Variants in ANK3 observed in about 807,000 individuals in gnomAD.
ANK3 encodes ankyrin-3.
In ANK3, 57 loss-of-function variants were observed where a neutral mutation model predicts 370.9. The ratio of observed to expected loss-of-function variants is 0.15; its 90% confidence interval spans 0.12 to 0.19. The LOEUF (loss-of-function observed/expected upper bound fraction) is 0.19, where lower values mean the gene tolerates loss of function less well. Among genes scored for constraint, ANK3 ranks in the 10% least tolerant of loss-of-function variants. The probability of loss-of-function intolerance (pLI) is 1.00; values close to 1 mark genes in which losing one functional copy is unlikely to be tolerated. For missense variants in ANK3, 4,439 were observed against 5,302.1 expected, an observed-to-expected ratio of 0.84 and a Z score of 5.06; for synonymous variants, 1,929 against 1,946.3, an observed-to-expected ratio of 0.99 and a Z score of 0.23.
chr10:60,319,386 A>C (rs2048146058), intron 1 of ANK3, among the ~76,000 whole-genome samples: 1 of 152,214 alleles, frequency 6.6e-6, no homozygotes, highest in African/African-American at 2.4e-5. Context: ...TAGGCCTTTT[A>C]ATTTCTAACT....
At chr10:60,229,278 A>G (rs939501642) in intron 8 of ANK3, among the ~76,000 whole-genome samples, 3 of 152,208 alleles carry the variant, frequency 2.0e-5, no homozygotes, top group Non-Finnish European at 2.9e-5. Context: ...ATAGAAACCC[A>G]GGGTCTTCTT....
chr10:60,709,076 AAAC>A lies in ANK3; in HGVS notation c.57+24184_57+24186del, dbSNP rs57666485. ...TCATTGTGTCTGGCTATCAAAAACA[AAAC>A]AACAACAACAACAACAACAAAACTT... On this transcript the variant is annotated intron_variant, in intron 1 of 43. Coordinates refer to the ANK3 transcript ENST00000373827. Among the ~76,000 whole-genome samples the A allele has an allele frequency of 5.4e-3, 819 of 152,162 alleles. 6 individuals are homozygous for A. The highest frequency in any genetic ancestry group is 0.019 in the African/African-American group (785 of 41,516).
intron 16 of ANK3, among the ~76,000 whole-genome samples, chr10:60,191,945 GTCACCCA>G (rs933057408): frequency 3.9e-5 from 6 of 151,996 alleles, no homozygotes; most frequent in African/African-American, 1.5e-4. Flanking sequence ...GTCTTGCTCT[GTCACCCA>G]GGCTGGAGTG....
At chr10:60,502,802 A>G (rs867057723) in intron 2 of ANK3, among the ~76,000 whole-genome samples, 10 of 134,332 alleles carry the variant, frequency 7.4e-5, no homozygotes, top group Non-Finnish European at 9.5e-5. Flanking sequence ...AAAGAAAAGA[A>G]AGAAAAAAGA....
rs553502460 is a variant in ANK3, at chr10:60,408,000, T to C, written c.97-128361A>G. Among the ~76,000 whole-genome samples the C allele has an allele frequency of 2.2e-4, 34 of 152,326 alleles. No individual in the cohort carries two copies. The South Asian group carries it at 6.9e-3, about 31-fold the overall frequency. On this transcript the variant is annotated intron_variant, in intron 2 of 43. Transcript: ENST00000373827. ...ATAACCGATGATAACTTTTGCTGAC[T>C]TGCCCCTACCCCTGCTGCCATCTGC... is the stretch of plus-strand genomic sequence containing the variant.
intron 2 of ANK3, among the ~76,000 whole-genome samples, chr10:60,399,041 A>G (rs1026048071): frequency 6.6e-6 from 1 of 152,224 alleles, no homozygotes; most frequent in African/African-American, 2.4e-5. Flanking sequence ...ACACATGGGA[A>G]TACATAAATA....
chr10:60,364,110 A>G (rs2132751450), intron 1 of ANK3, among the ~76,000 whole-genome samples: 1 of 151,788 alleles, frequency 6.6e-6, no homozygotes, highest in Admixed American at 6.6e-5. Flanking sequence ...CCTGGCCAAC[A>G]TGGTGAAGCC....
intron 43 of ANK3, among the ~76,000 whole-genome samples, chr10:60,040,334 CT>C (rs1172269967): frequency 6.6e-6 from 1 of 151,578 alleles, no homozygotes; most frequent in Admixed American, 6.6e-5. Flanking sequence ...TATAAAAACT[CT>C]CAATATATTT....
intron 26 of ANK3, chr10:60,111,823 A>G: frequency 2.2e-6 from 1 of 445,702 alleles, no homozygotes; most frequent in Non-Finnish European, 4.5e-6. Context: ...ATTAGAAGCA[A>G]GCAACAGAAA....
chr10:60,238,043 T>C (rs147976300), intron 7 of ANK3, among the ~76,000 whole-genome samples: 132 of 152,336 alleles, frequency 8.7e-4, no homozygotes, highest in Non-Finnish European at 1.4e-3. Flanking sequence ...CTCTGTCAAA[T>C]GCAGCTTCCA....
At chr10:60,388,379 T>A (rs1023885548) in intron 1 of ANK3, among the ~76,000 whole-genome samples, 23 of 152,152 alleles carry the variant, frequency 1.5e-4, no homozygotes, top group Non-Finnish European at 2.5e-4. Flanking sequence ...GAGGGGTACA[T>A]GTGGGAGATG....
In ANK3 at chr10:60,278,821, C is replaced by A. The variant is rs1444801503; in HGVS notation, c.367G>T (p.Val123Leu). The change falls in exon 4 of 44, where the codon GTA becomes TTA. Residue 123 changes from valine (V) to leucine (L), a missense_variant. By Grantham distance (32) the Val-to-Leu change is conservative. Transcript: ENST00000280772. ...IASLAGQAEV[V>L]KVLVTNGANV... Reference sequence around the variant, plus strand: ...GCTCCATTTGTAACCAAGACTTTTACCACCTCTGCTTGCCCAGCCAAAGAT... The same window carrying A: ...GCTCCATTTGTAACCAAGACTTTTAACACCTCTGCTTGCCCAGCCAAAGAT... 1 of 1,613,846 alleles carries A rather than the reference C, an allele frequency of 6.2e-7. No homozygotes were observed. The highest frequency in any genetic ancestry group is 2.2e-5 in the East Asian group (1 of 44,876).
chr10:60,600,710 C>G (rs2078048952), intron 2 of ANK3, among the ~76,000 whole-genome samples: 1 of 152,028 alleles, frequency 6.6e-6, no homozygotes, highest in Non-Finnish European at 1.5e-5. Context: ...TGAGTGCATA[C>G]TGAAGTTTTA....
intron 42 of ANK3, among the ~76,000 whole-genome samples, chr10:60,045,102 A>T (rs891853810): frequency 6.6e-6 from 1 of 152,228 alleles, no homozygotes; most frequent in African/African-American, 2.4e-5. Flanking sequence ...ATGAGAACAA[A>T]ACAATAGTGT....
At chr10:60,693,384 G>A (rs573254249) in intron 1 of ANK3, among the ~76,000 whole-genome samples, 63 of 152,360 alleles carry the variant, frequency 4.1e-4, no homozygotes, top group African/African-American at 1.4e-3. Context: ...AGCTCGAACT[G>A]GGTGGAGCCC....
chr10:60,275,918 TG>T (rs1169202085), intron 4 of ANK3, among the ~76,000 whole-genome samples: 2 of 152,212 alleles, frequency 1.3e-5, no homozygotes, highest in Non-Finnish European at 2.9e-5. Flanking sequence ...TAGCAAACAT[TG>T]TTAATCATTG....
chr10:60,632,103 A>C (rs1414401998), intron 1 of ANK3, among the ~76,000 whole-genome samples: 1 of 152,214 alleles, frequency 6.6e-6, no homozygotes, highest in African/African-American at 2.4e-5. Flanking sequence ...GTTCTCTGCT[A>C]TCAACTGCTA....
At chr10:60,620,439 CT>C (rs2078320456) in intron 1 of ANK3, among the ~76,000 whole-genome samples, 1 of 152,126 alleles carries the variant, frequency 6.6e-6, no homozygotes, top group Non-Finnish European at 1.5e-5. Flanking sequence ...GAGGCAGGTA[CT>C]TTTATTACCT....
chr10:60,309,229 G>A (rs1021340448), intron 1 of ANK3, among the ~76,000 whole-genome samples: 1 of 152,134 alleles, frequency 6.6e-6, no homozygotes, highest in Non-Finnish European at 1.5e-5. Flanking sequence ...CATTAGGAAA[G>A]CCACTTTATT....
Sources: allele counts gnomAD v4.1 joint callset (sites outside exome capture counted in the v4.1 genomes callset), GRCh38; gene constraint gnomAD v4.1.1; transcripts MANE v1.5; gene names NCBI Gene and HGNC (gene_info 2026-07-23, HGNC 2026-07-21).